Variants in RNF138 observed in about 807,000 individuals in gnomAD.
The protein encoded by RNF138 is E3 ubiquitin-protein ligase RNF138.
RNF138 carries 12 observed loss-of-function variants against 31.0 expected under a neutral mutation model. That is an observed-to-expected ratio of 0.39 (90% CI 0.25 to 0.63). The LOEUF is 0.63. Among genes scored for constraint, RNF138 ranks in the 20% least tolerant of loss-of-function variants. RNF138 has a pLI of 0.52. For synonymous variants in RNF138, 105 were observed against 99.5 expected (o/e 1.06, Z -0.33); for missense variants, 192 against 300.1 (o/e 0.64, Z 2.66).
intron 4 of RNF138, among the ~76,000 whole-genome samples, chr18:32,117,772 A>G (rs921197955): frequency 4.6e-5 from 7 of 152,146 alleles, no homozygotes; most frequent in Admixed American, 3.9e-4. Flanking sequence ...AAATTATTGC[A>G]TTGGTGTGGG....
At chr18:32,101,934 G>A (rs1442733325) in intron 2 of RNF138, among the ~76,000 whole-genome samples, 1 of 150,962 alleles carries the variant, frequency 6.6e-6, no homozygotes, top group Admixed American at 6.6e-5. Flanking sequence ...TGGAGTGCAG[G>A]GGCATAATCA....
At chr18:32,114,572 C>T (rs1006849945) in intron 4 of RNF138, among the ~76,000 whole-genome samples, 1 of 152,150 alleles carries the variant, frequency 6.6e-6, no homozygotes, top group African/African-American at 2.4e-5. Flanking sequence ...AACCACTATT[C>T]TCTTATTTGG....
At chr18:32,109,723 C>A (rs2040095018) in intron 2 of RNF138, among the ~76,000 whole-genome samples, 1 of 152,062 alleles carries the variant, frequency 6.6e-6, no homozygotes, top group Non-Finnish European at 1.5e-5. Context: ...CCCATCTCTA[C>A]AAAAAGTACA....
rs1279154539 is a variant in RNF138, at chr18:32,118,262, G to A, written c.392+4402G>A. Reference sequence around the variant, plus strand: ...TAGTAATCCTTTGTTATGGCTGGGCGCAGTGGCTCACGCCTGTAGTCCCAG... The same window carrying A: ...TAGTAATCCTTTGTTATGGCTGGGCACAGTGGCTCACGCCTGTAGTCCCAG... On this transcript the variant is annotated intron_variant, in intron 4 of 7. Coordinates refer to ENST00000261593, the MANE Select transcript of RNF138 (RefSeq NM_016271.5). Among the ~76,000 whole-genome samples the A allele has an allele frequency of 3.9e-5, 6 of 152,312 alleles. No individual in the cohort carries two copies. The South Asian group carries it at 1.0e-3, about 26-fold the overall frequency.
At chr18:32,109,864 C>T (rs936236669) in intron 2 of RNF138, among the ~76,000 whole-genome samples, 13 of 152,062 alleles carry the variant, frequency 8.5e-5, no homozygotes, top group African/African-American at 1.7e-4. Flanking sequence ...CCAGCCTGGG[C>T]GACAGAGCGA....
Position 32,113,776 on chromosome 18 carries a change from A to G in RNF138, c.308A>G (p.Lys103Arg). 6.6e-7 allele frequency: 1 copy of G among 1,523,346 alleles called. No homozygotes were observed. The highest frequency in any genetic ancestry group is 2.3e-5 in the Admixed American group (1 of 43,122). The allele number at this position is 1,523,346 out of a possible 1,614,324, so 94.4% of individuals were successfully genotyped here. A position where few individuals can be genotyped will look rare whatever the true frequency, so the allele number is the denominator to read the frequency against. The change falls in exon 4 of 8, where the codon AAA (lysine) becomes AGA (arginine). Residue 103 changes from lysine (K) to arginine (R), a missense_variant. Physicochemically the swap from Lys to Arg is conservative, Grantham distance 26 (BLOSUM62 2). Transcript: ENST00000261593. ...IKFYRMRHHY[K>R]SCKKYQDEYG... ...TTCTATCGCATGAGACATCATTACA[A>G]ATCTTGTAAGAAGTATCAGGATGAA...
chr18:32,092,928 C>A, intron 2 of RNF138, 42 bp downstream of exon 2: 1 of 1,237,964 alleles, frequency 8.1e-7, no homozygotes, highest in Non-Finnish European at 1.1e-6. Flanking sequence ...CGGGTTGTCG[C>A]TTAGGCCCGG....
At chr18:32,112,270 A>T (rs1037650020) in intron 3 of RNF138, among the ~76,000 whole-genome samples, 8 of 152,196 alleles carry the variant, frequency 5.3e-5, no homozygotes, top group Admixed American at 4.6e-4. Context: ...AGTTTTTCTC[A>T]TGGTAGCATC....
At position 32,131,151 on chromosome 18, in the gene RNF138, A is replaced by T. The variant is rs1489154108; in HGVS notation, c.*1964A>T. On this transcript the variant is annotated 3_prime_UTR_variant, in exon 8 of 8. Transcript: ENST00000261593. The stretch of plus-strand genomic sequence containing the variant: ...TTAAAGGAAAATTGTAGTAGAGGTC[A>T]TCTTGATGGAATTGTGTTTTAAAGT... The T allele has an allele frequency of 6.6e-6, 1 of 152,462 alleles. No individual in the cohort carries two copies. Among genetic ancestry groups the T allele is most frequent in the African/African-American group, 2.4e-5 (1 of 41,462 alleles). The allele number at this position is 152,462 out of a possible 1,614,324, so 9.4% of individuals were successfully genotyped here.
At position 32,129,454 on chromosome 18, in the gene RNF138, C is replaced by T. The variant is rs182265459; in HGVS notation, c.*267C>T. 30 of 301,320 alleles carry T rather than the reference C, an allele frequency of 1.0e-4. No individual in the cohort carries two copies. Among genetic ancestry groups the T allele is most frequent in the African/African-American group, 6.2e-4 (29 of 46,526 alleles). 18.7% of individuals were successfully genotyped at this position (301,320 alleles called of 1,614,324 possible). On this transcript the variant is annotated 3_prime_UTR_variant, in exon 8 of 8. Coordinates refer to ENST00000261593, the MANE Select transcript of RNF138 (RefSeq NM_016271.5). Reference sequence around the variant, plus strand: ...AAAGAGAATCCCTGTTGTACTTTATCTTTTTGTAATATTATTTTTGAATTT... The same window carrying T: ...AAAGAGAATCCCTGTTGTACTTTATTTTTTTGTAATATTATTTTTGAATTT...
chr18:32,118,841 A>AAATAAT (rs370275912), intron 4 of RNF138, among the ~76,000 whole-genome samples: 115 of 151,992 alleles, frequency 7.6e-4, no homozygotes, highest in Non-Finnish European at 1.5e-3. Context: ...AAAAAAAAGA[A>AAATAAT]AATAATAATA....
chr18:32,110,205 C>G (rs775459146), intron 2 of RNF138, among the ~76,000 whole-genome samples: 41 of 152,256 alleles, frequency 2.7e-4, no homozygotes, highest in Admixed American at 1.2e-3. Flanking sequence ...GTTGCCCAGG[C>G]TGGTCTTCAA....
intron 1 of RNF138, 29 bp from the exon 2 acceptor site, chr18:32,092,671 A>G (rs2039717931): frequency 1.4e-6 from 1 of 701,600 alleles, no homozygotes; most frequent in East Asian, 2.8e-5. Context: ...TCCTGATGCG[A>G]TCCCCCTCCC....
chr18:32,126,380 G>T (rs1402538964), intron 6 of RNF138, among the ~76,000 whole-genome samples: 1 of 152,186 alleles, frequency 6.6e-6, no homozygotes, highest in Non-Finnish European at 1.5e-5. Flanking sequence ...TGGATATGTT[G>T]CAGGCAGCCA....
At chr18:32,096,838 C>T (rs1171664711) in intron 2 of RNF138, among the ~76,000 whole-genome samples, 1 of 151,998 alleles carries the variant, frequency 6.6e-6, no homozygotes, top group East Asian at 1.9e-4. Context: ...GAAATCTTCC[C>T]ACCTCAACCT....
intron 2 of RNF138, 66 bp downstream of exon 2, chr18:32,092,952 AC>A: frequency 3.3e-6 from 3 of 916,216 alleles, no homozygotes; most frequent in Non-Finnish European, 4.6e-6. Context: ...CCGGCCCGGG[AC>A]CCCGGGCTGC....
chr18:32,092,884 C>T lies in RNF138; in HGVS notation c.108C>T (p.His36=), dbSNP rs1257845260. The change falls in exon 2 of 8, where the codon CAC becomes CAT. Residue 36 remains histidine, a splice_region_variant and synonymous_variant. Coordinates refer to ENST00000261593, the MANE Select transcript of RNF138 (RefSeq NM_016271.5). ...CCGTGCGGACCACGGCCTGTCAGCA[C>T]GTGTGAGTAGACGCCCCCTCCCCCT... is the stretch of plus-strand genomic sequence containing the variant. ...KTPVRTTACQ[H]VFCRKCFLTA... 2.6e-6 allele frequency: 4 copies of T among 1,543,094 alleles called. No homozygotes were observed. Among genetic ancestry groups the T allele is most frequent in the Non-Finnish European group, 3.5e-6 (4 of 1,142,594 alleles).
At chr18:32,120,586 A>G (rs1030704270) in intron 4 of RNF138, among the ~76,000 whole-genome samples, 2 of 152,190 alleles carry the variant, frequency 1.3e-5, no homozygotes, top group African/African-American at 2.4e-5. Context: ...TTGATTTTCT[A>G]TTGTTGAACC....
intron 2 of RNF138, among the ~76,000 whole-genome samples, chr18:32,097,749 C>G (rs965118599): frequency 6.6e-6 from 1 of 152,022 alleles, no homozygotes; most frequent in Admixed American, 6.6e-5. Context: ...TCTCGAACCC[C>G]TGCGCTCAAG....
Sources: allele counts gnomAD v4.1 joint callset (sites outside exome capture counted in the v4.1 genomes callset), GRCh38; gene constraint gnomAD v4.1.1; transcripts MANE v1.5; gene names NCBI Gene and HGNC (gene_info 2026-07-23, HGNC 2026-07-21).